Variants in DTWD2 observed in about 807,000 individuals in gnomAD.
The protein encoded by DTWD2 is tRNA-uridine aminocarboxypropyltransferase 2.
In DTWD2, 39 loss-of-function variants were observed where a neutral mutation model predicts 31.8. The observed-to-expected ratio is 1.22, with a 90% confidence interval of 0.95 to 1.60. DTWD2 has a LOEUF of 1.60. Among genes scored for constraint, DTWD2 ranks in the 40% most tolerant of loss-of-function variants. The pLI is 0.00. For missense variants in DTWD2, 515 were observed against 381.5 expected, an observed-to-expected ratio of 1.35 and a Z score of -2.92; for synonymous variants, 180 against 142.8, an observed-to-expected ratio of 1.26 and a Z score of -1.86.
intron 4 of DTWD2, among the ~76,000 whole-genome samples, chr5:118,885,767 T>TA (rs985666941): frequency 9.7e-4 from 140 of 144,924 alleles, no homozygotes; most frequent in East Asian, 3.0e-3. Context: ...ACTCTGTATT[T>TA]AAAAAAAAAA....
At chr5:118,864,631 A>T (rs996998318) in intron 4 of DTWD2, among the ~76,000 whole-genome samples, 3 of 144,280 alleles carry the variant, frequency 2.1e-5, no homozygotes, top group Non-Finnish European at 4.5e-5. Flanking sequence ...TTCTTTTTTT[A>T]TTTTATTTTA....
intron 1 of DTWD2, among the ~76,000 whole-genome samples, chr5:118,977,941 G>A (rs1755203609): frequency 6.6e-6 from 1 of 152,162 alleles, no homozygotes; most frequent in African/African-American, 2.4e-5. Context: ...TACACTACCT[G>A]ACTTCAAACT....
At chr5:118,843,155 C>T (rs1445922521) in intron 5 of DTWD2, among the ~76,000 whole-genome samples, 11 of 151,950 alleles carry the variant, frequency 7.2e-5, no homozygotes, top group African/African-American at 2.7e-4. Flanking sequence ...CGGGGTTTCA[C>T]CATATTGGCC....
chr5:118,862,690 C>G (rs1018459888), intron 4 of DTWD2, among the ~76,000 whole-genome samples: 9 of 152,154 alleles, frequency 5.9e-5, no homozygotes, highest in Non-Finnish European at 1.3e-4. Flanking sequence ...TTTACCCAAC[C>G]TTCCTTGCCA....
intron 1 of DTWD2, among the ~76,000 whole-genome samples, chr5:118,983,849 T>C (rs77880418): frequency 6.6e-6 from 1 of 152,204 alleles, no homozygotes; most frequent in East Asian, 1.9e-4. Flanking sequence ...TATTTCCTCA[T>C]CATTTAAAAG....
chr5:118,973,650 T>C, intron 1 of DTWD2: 4 of 786,782 alleles, frequency 5.1e-6, no homozygotes, highest in Non-Finnish European at 8.3e-6. Context: ...GCAGCCTCCT[T>C]GCTCGCGGCA....
intron 4 of DTWD2, among the ~76,000 whole-genome samples, chr5:118,898,525 G>A (rs1042495359): frequency 6.6e-6 from 1 of 151,868 alleles, no homozygotes; most frequent in Non-Finnish European, 1.5e-5. Context: ...CGGGCATGGT[G>A]GCGGGTGCCT....
intron 4 of DTWD2, among the ~76,000 whole-genome samples, chr5:118,925,138 T>C (rs1304636945): frequency 1.3e-5 from 2 of 152,238 alleles, no homozygotes; most frequent in South Asian, 2.1e-4. Context: ...ACTAAGTGTA[T>C]GGCTTGTATG....
intron 4 of DTWD2, among the ~76,000 whole-genome samples, chr5:118,871,361 A>T (rs541699448): frequency 7.9e-5 from 12 of 152,226 alleles, no homozygotes; most frequent in Admixed American, 2.6e-4. Context: ...TCTTAATGAC[A>T]TCGAGAATGG....
At chr5:118,866,646 T>C (rs748533040) in intron 4 of DTWD2, among the ~76,000 whole-genome samples, 1 of 152,032 alleles carries the variant, frequency 6.6e-6, no homozygotes, top group Non-Finnish European at 1.5e-5. Flanking sequence ...AGGCCGGGGG[T>C]GGTGGCTCAT....
intron 4 of DTWD2, among the ~76,000 whole-genome samples, chr5:118,914,593 C>G (rs901627817): frequency 2.6e-5 from 4 of 152,078 alleles, no homozygotes; most frequent in African/African-American, 9.7e-5. Flanking sequence ...AATTTTGCAC[C>G]AACCAATCCT....
intron 4 of DTWD2, among the ~76,000 whole-genome samples, chr5:118,925,253 A>G (rs995229625): frequency 6.6e-6 from 1 of 152,220 alleles, no homozygotes; most frequent in Non-Finnish European, 1.5e-5. Flanking sequence ...TTACAGTATC[A>G]AACAGTCCAA....
At position 118,836,153 on chromosome 5, in the gene DTWD2, C is replaced by T. The variant is rs79862172; in HGVS notation, c.*4764G>A. 2.0e-5 allele frequency among the ~76,000 whole-genome samples: 3 copies of T among 152,044 alleles called. No individual in the cohort carries two copies. Among genetic ancestry groups the T allele is most frequent in the African/African-American group, 7.2e-5 (3 of 41,468 alleles). ...AAGACATATAGTAAAATTTCTTATT[C>T]GAATAATTTTTTTAAAAAACCTTAC... is the stretch of plus-strand genomic sequence containing the variant. On this transcript the variant is annotated 3_prime_UTR_variant, in exon 6 of 6. Coordinates refer to ENST00000510708, the MANE Select transcript of DTWD2 (RefSeq NM_173666.4).
chr5:118,886,160 G>T (rs1218327031), intron 4 of DTWD2, among the ~76,000 whole-genome samples: 1 of 152,158 alleles, frequency 6.6e-6, no homozygotes, highest in African/African-American at 2.4e-5. Context: ...TATCCATCCT[G>T]TACAATAATT....
chr5:118,847,374 G>GATA (rs1234462942), intron 5 of DTWD2, among the ~76,000 whole-genome samples: 4 of 151,946 alleles, frequency 2.6e-5, no homozygotes, highest in African/African-American at 9.7e-5. Flanking sequence ...TTCATGAGTT[G>GATA]TATTTATCAA....
At chr5:118,965,699 G>A (rs548877200) in intron 1 of DTWD2, among the ~76,000 whole-genome samples, 192 of 152,222 alleles carry the variant, frequency 1.3e-3, no homozygotes, top group African/African-American at 3.3e-3. Flanking sequence ...GATTAAGGGC[G>A]GTGCAAGATG....
chr5:118,837,183 A>G lies in DTWD2; in HGVS notation c.*3734T>C, dbSNP rs990158622. The G allele has an allele frequency of 6.6e-6, 1 of 152,184 alleles. No individual in the cohort carries two copies. Among genetic ancestry groups the G allele is most frequent in the Non-Finnish European group, 1.5e-5 (1 of 68,036 alleles). The allele number at this position is 152,184 out of a possible 1,614,324, so 9.4% of individuals were successfully genotyped here. A position where few individuals can be genotyped will look rare whatever the true frequency, so the allele number is the denominator to read the frequency against. ...AGGAAGACCCTGGGAAGGAGGAAGAAAGTGTGAAGAGAAAAGAGAGAGAAT... is the reference window on the plus strand; with the variant it reads ...AGGAAGACCCTGGGAAGGAGGAAGAGAGTGTGAAGAGAAAAGAGAGAGAAT... On this transcript the variant is annotated 3_prime_UTR_variant, in exon 6 of 6. Coordinates refer to ENST00000510708, the MANE Select transcript of DTWD2 (RefSeq NM_173666.4).
In DTWD2 at chr5:118,920,464, T is replaced by C. The variant is rs1549638; in HGVS notation, c.597+8073A>G. Among the ~76,000 whole-genome samples the C allele has an allele frequency of 9.5e-3, 1,449 of 152,252 alleles. 8 individuals are homozygous for C. The highest frequency in any genetic ancestry group is 0.027 in the Middle Eastern group (8 of 294). On this transcript the variant is annotated intron_variant, in intron 4 of 5. Coordinates refer to ENST00000510708, the MANE Select transcript of DTWD2 (RefSeq NM_173666.4). ...TGGGTAGGGAAGTACAGGTGTGAGG[T>C]TACCTGGAACGGGGGCAGAGATTAA...
chr5:118,949,598 C>A (rs1754413598), intron 1 of DTWD2, among the ~76,000 whole-genome samples: 1 of 152,140 alleles, frequency 6.6e-6, no homozygotes, highest in Non-Finnish European at 1.5e-5. Context: ...TGAGTGATAA[C>A]AGGCTTTAAC....
Sources: allele counts gnomAD v4.1 joint callset (sites outside exome capture counted in the v4.1 genomes callset), GRCh38; gene constraint gnomAD v4.1.1; transcripts MANE v1.5; gene names NCBI Gene and HGNC (gene_info 2026-07-23, HGNC 2026-07-21).